Variants in OSBPL8 observed in about 807,000 individuals in gnomAD.
OSBPL8 encodes the protein oxysterol-binding protein-related protein 8.
Under a neutral mutation model 125.5 loss-of-function variants are expected in OSBPL8, and 59 were observed. The ratio of observed to expected loss-of-function variants is 0.47; its 90% CI spans 0.38 to 0.58. The LOEUF (loss-of-function observed/expected upper bound fraction) is 0.58, where lower values mean the gene tolerates loss of function less well. Among genes scored for constraint, OSBPL8 ranks in the 20% least tolerant of loss-of-function variants. The pLI is 0.00. For missense variants in OSBPL8, 758 were observed against 1,047.8 expected, an observed-to-expected ratio of 0.72 and a Z score of 3.82; for synonymous variants, 330 against 338.9, an observed-to-expected ratio of 0.97 and a Z score of 0.29.
intron 1 of OSBPL8, among the ~76,000 whole-genome samples, chr12:76,498,918 A>C (rs1383592018): frequency 6.6e-6 from 1 of 151,940 alleles, no homozygotes; most frequent in Non-Finnish European, 1.5e-5. Context: ...ATAAAGATGA[A>C]GTTTCACCAT....
At chr12:76,439,537 GTGTTTT>G in intron 4 of OSBPL8, among the ~76,000 whole-genome samples, 1 of 152,228 alleles carries the variant, frequency 6.6e-6, no homozygotes, top group South Asian at 2.1e-4. Context: ...TGGGGGGAGA[GTGTTTT>G]TATAATCAAT....
chr12:76,390,291 C>T, intron 11 of OSBPL8, 129 bp downstream of exon 11: 1 of 671,484 alleles, frequency 1.5e-6, no homozygotes, highest in Non-Finnish European at 2.5e-6. Flanking sequence ...CATATGTATG[C>T]AATTTTTAAA....
At chr12:76,554,527 A>G (rs147410628) in intron 1 of OSBPL8, among the ~76,000 whole-genome samples, 5 of 152,130 alleles carry the variant, frequency 3.3e-5, no homozygotes, top group Non-Finnish European at 7.3e-5. Flanking sequence ...TCCACCACTT[A>G]TTTAATCTGT....
intron 2 of OSBPL8, among the ~76,000 whole-genome samples, chr12:76,481,451 C>A (rs547421584): frequency 3.3e-5 from 5 of 151,956 alleles, no homozygotes; most frequent in Non-Finnish European, 7.4e-5. Flanking sequence ...CATAGCAAGA[C>A]CCTGCGTCTA....
intron 2 of OSBPL8, among the ~76,000 whole-genome samples, chr12:76,465,746 C>T (rs957150807): frequency 2.0e-5 from 3 of 152,074 alleles, no homozygotes; most frequent in African/African-American, 7.2e-5. Context: ...TGGCTCACAC[C>T]TGTAATCCCA....
chr12:76,354,127 G>A lies in OSBPL8; in HGVS notation c.*1762C>T, dbSNP rs1363362106. Reference sequence around the variant, plus strand: ...TCATATATCAATGAATAGGCAGAGTGTAACAGAATGTGAATACAAAAATTA... The same window carrying A: ...TCATATATCAATGAATAGGCAGAGTATAACAGAATGTGAATACAAAAATTA... On this transcript the variant is annotated 3_prime_UTR_variant, in exon 24 of 24. Transcript: ENST00000261183. The A allele has an allele frequency of 6.6e-6, 1 of 152,324 alleles. No individual in the cohort carries two copies. Among genetic ancestry groups the A allele is most frequent in the Non-Finnish European group, 1.5e-5 (1 of 67,812 alleles). 9.4% of individuals were successfully genotyped at this position (152,324 alleles called of 1,614,324 possible). A position where few individuals can be genotyped will look rare whatever the true frequency, so the allele number is the denominator to read the frequency against.
chr12:76,427,153 C>G (rs976008716), intron 4 of OSBPL8, among the ~76,000 whole-genome samples: 9 of 152,068 alleles, frequency 5.9e-5, no homozygotes, highest in Admixed American at 5.9e-4. Flanking sequence ...TTTTAAAATA[C>G]TTGGTAAGCT....
At chr12:76,529,783 G>C (rs144723744) in intron 1 of OSBPL8, among the ~76,000 whole-genome samples, 7 of 152,212 alleles carry the variant, frequency 4.6e-5, no homozygotes, top group African/African-American at 1.4e-4. Context: ...CACTGTGAAA[G>C]AGGAAACCAA....
chr12:76,495,607 C>T (rs942862739), intron 1 of OSBPL8, among the ~76,000 whole-genome samples: 101 of 151,924 alleles, frequency 6.6e-4, no homozygotes, highest in African/African-American at 2.2e-3. Context: ...ATTCTCCAGA[C>T]CTTGGAAAAA....
At chr12:76,553,043 G>C (rs1263804187) in intron 1 of OSBPL8, among the ~76,000 whole-genome samples, 2 of 152,062 alleles carry the variant, frequency 1.3e-5, no homozygotes, top group African/African-American at 2.4e-5. Flanking sequence ...CTAGTCTCCA[G>C]AAGTCCCTCA....
intron 1 of OSBPL8, among the ~76,000 whole-genome samples, chr12:76,500,902 T>C (rs192619021): frequency 6.6e-6 from 1 of 152,342 alleles, no homozygotes; most frequent in East Asian, 1.9e-4. Context: ...AAAGTCATTC[T>C]GCTAACGTTT....
At chr12:76,492,549 C>G (rs554895884) in intron 1 of OSBPL8, among the ~76,000 whole-genome samples, 2 of 152,238 alleles carry the variant, frequency 1.3e-5, no homozygotes, top group African/African-American at 4.8e-5. Context: ...TACAGCAACT[C>G]CCCATAATTT....
intron 12 of OSBPL8, 95 bp downstream of exon 12, chr12:76,389,550 T>C (rs1310970837): frequency 1.9e-6 from 2 of 1,052,848 alleles, no homozygotes; most frequent in African/African-American, 1.6e-5. Flanking sequence ...CATTAGAGCC[T>C]GATTTTGGAA....
intron 1 of OSBPL8, among the ~76,000 whole-genome samples, chr12:76,555,578 A>G (rs1003034427): frequency 2.0e-5 from 3 of 152,252 alleles, no homozygotes; most frequent in African/African-American, 7.2e-5. Context: ...TATGTGTGAC[A>G]CATTGAGGTA....
intron 10 of OSBPL8, among the ~76,000 whole-genome samples, chr12:76,391,869 C>T (rs1953575249): frequency 6.6e-6 from 1 of 152,082 alleles, no homozygotes; most frequent in Non-Finnish European, 1.5e-5. Flanking sequence ...GAATAGCAGT[C>T]TAACTTTGAG....
At chr12:76,377,248 G>A (rs1952858532) in intron 16 of OSBPL8, among the ~76,000 whole-genome samples, 1 of 152,134 alleles carries the variant, frequency 6.6e-6, no homozygotes, top group Admixed American at 6.5e-5. Flanking sequence ...GTGTACATGT[G>A]TCTTTATAGC....
At chr12:76,375,016 CCA>C (rs2136215288) in intron 17 of OSBPL8, among the ~76,000 whole-genome samples, 1 of 152,090 alleles carries the variant, frequency 6.6e-6, no homozygotes, top group East Asian at 1.9e-4. Context: ...TATATAATAC[CCA>C]CAGTTTTATT....
intron 1 of OSBPL8, among the ~76,000 whole-genome samples, chr12:76,508,599 A>C (rs1273177007): frequency 2.0e-5 from 3 of 152,356 alleles, no homozygotes; most frequent in African/African-American, 7.2e-5. Context: ...CAGGTGATAA[A>C]GACCTTGCAG....
chr12:76,445,725 G>A (rs1191070223), intron 4 of OSBPL8, among the ~76,000 whole-genome samples: 1 of 152,082 alleles, frequency 6.6e-6, no homozygotes, highest in Non-Finnish European at 1.5e-5. Context: ...TAGAGCCACT[G>A]GACAGCTCAC....
Sources: allele counts gnomAD v4.1 joint callset (sites outside exome capture counted in the v4.1 genomes callset), GRCh38; gene constraint gnomAD v4.1.1; transcripts MANE v1.5; gene names NCBI Gene and HGNC (gene_info 2026-07-23, HGNC 2026-07-21).